The following MINDY4 variants were observed in gnomAD, a reference collection of about 807,000 sequenced individuals.
MINDY4 encodes the protein probable ubiquitin carboxyl-terminal hydrolase MINDY-4.
In MINDY4, 68 loss-of-function variants were observed where a neutral mutation model predicts 87.0. That is an observed-to-expected ratio of 0.78 (90% CI 0.64 to 0.96). The LOEUF is 0.96. Among genes scored for constraint, MINDY4 ranks in the 40% least tolerant of loss-of-function variants. The pLI is 0.00. For missense variants in MINDY4, 919 were observed against 928.2 expected, an observed-to-expected ratio of 0.99 and a Z score of 0.13; for synonymous variants, 379 against 363.2, an observed-to-expected ratio of 1.04 and a Z score of -0.50.
intron 1 of MINDY4, among the ~76,000 whole-genome samples, chr7:30,774,018 A>G (rs1223367956): frequency 6.6e-6 from 1 of 152,194 alleles, no homozygotes; most frequent in Non-Finnish European, 1.5e-5. Context: ...ATAGAGCTGA[A>G]TGAGATTGGA....
At chr7:30,853,733 C>T (rs185792436) in intron 12 of MINDY4, among the ~76,000 whole-genome samples, 145 of 152,286 alleles carry the variant, frequency 9.5e-4, no homozygotes, top group African/African-American at 3.3e-3. Flanking sequence ...CAGAGCTGGA[C>T]GGGTGGGGTC....
At chr7:30,852,488 C>A in intron 11 of MINDY4, 1 of 492,228 alleles carries the variant, frequency 2.0e-6, no homozygotes, top group East Asian at 1.5e-4. Context: ...GGCCAAAAGG[C>A]TGACTGGCTT....
chr7:30,809,159 T>A (rs1013159929), intron 5 of MINDY4, among the ~76,000 whole-genome samples: 1 of 152,198 alleles, frequency 6.6e-6, no homozygotes, highest in Non-Finnish European at 1.5e-5. Context: ...AACACTCCAG[T>A]ACCACTTTGT....
At chr7:30,801,067 C>T (rs62446944) in intron 5 of MINDY4, among the ~76,000 whole-genome samples, 8 of 152,038 alleles carry the variant, frequency 5.3e-5, no homozygotes, top group Non-Finnish European at 1.0e-4. Flanking sequence ...CCTCTGGAGG[C>T]CCCCAGATCT....
Position 30,862,165 on chromosome 7 carries a change from C to G in MINDY4, c.1745+2841C>G, listed in dbSNP as rs148220424. The stretch of plus-strand genomic sequence containing the variant: ...CCTCCTGACTGTTGCATGCTTCCCC[C>G]GAGGGCCTGCAGGAGATGTGGGCAT... On this transcript the variant is annotated intron_variant, in intron 13 of 17. Coordinates refer to ENST00000265299, the MANE Select transcript of MINDY4 (RefSeq NM_032222.3). 2.0e-5 allele frequency among the ~76,000 whole-genome samples: 3 copies of G among 152,230 alleles called. No homozygotes were observed. The South Asian group carries it at 6.2e-4, about 31-fold the overall frequency.
intron 15 of MINDY4, among the ~76,000 whole-genome samples, chr7:30,878,126 C>G (rs549871075): frequency 1.3e-5 from 2 of 152,158 alleles, no homozygotes; most frequent in South Asian, 4.2e-4. Flanking sequence ...GGCCCTTGCT[C>G]TGGCCTGGCC....
At chr7:30,875,372 C>A in intron 14 of MINDY4, 123 bp from the exon 15 acceptor site, 1 of 1,104,136 alleles carries the variant, frequency 9.1e-7, no homozygotes, top group Non-Finnish European at 1.4e-6. Flanking sequence ...CCTCTGCTCT[C>A]AGGCTCTCTC....
At chr7:30,833,570 C>T (rs2128564458) in intron 6 of MINDY4, among the ~76,000 whole-genome samples, 1 of 152,280 alleles carries the variant, frequency 6.6e-6, no homozygotes, top group East Asian at 1.9e-4. Flanking sequence ...TAGCCCCTCC[C>T]AAATCTCATG....
intron 6 of MINDY4, among the ~76,000 whole-genome samples, chr7:30,835,906 C>T (rs891456713): frequency 6.6e-6 from 1 of 152,232 alleles, no homozygotes; most frequent in Non-Finnish European, 1.5e-5. Context: ...GGGACCCTCT[C>T]TAGGCCTCAG....
intron 5 of MINDY4, among the ~76,000 whole-genome samples, chr7:30,805,483 A>G (rs1363038527): frequency 6.6e-6 from 1 of 152,192 alleles, no homozygotes; most frequent in Admixed American, 6.5e-5. Flanking sequence ...GACATTGCCA[A>G]GGTCAGTATC....
intron 1 of MINDY4, among the ~76,000 whole-genome samples, chr7:30,775,345 A>G (rs1240430256): frequency 6.6e-6 from 1 of 152,208 alleles, no homozygotes; most frequent in Non-Finnish European, 1.5e-5. Context: ...AACTCGGAGA[A>G]ACACTTTACT....
chr7:30,885,254 C>T (rs1790593580), intron 17 of MINDY4, among the ~76,000 whole-genome samples: 1 of 152,182 alleles, frequency 6.6e-6, no homozygotes, highest in African/African-American at 2.4e-5. Context: ...AAACACAGAT[C>T]ACCACCTATA....
chr7:30,791,762 C>T (rs916616165), intron 5 of MINDY4, among the ~76,000 whole-genome samples, 188 bp downstream of exon 5: 1 of 152,192 alleles, frequency 6.6e-6, no homozygotes, highest in Non-Finnish European at 1.5e-5. Flanking sequence ...AGAGCTCACA[C>T]ACCTGGAAAG....
chr7:30,817,476 C>T (rs1278242115), intron 5 of MINDY4, among the ~76,000 whole-genome samples: 2 of 151,150 alleles, frequency 1.3e-5, no homozygotes, highest in East Asian at 3.9e-4. Context: ...GCTTCTCCAG[C>T]AGTTCAGTCA....
intron 15 of MINDY4, 143 bp from the exon 16 acceptor site, chr7:30,882,038 C>T (rs535628425): frequency 1.0e-4 from 83 of 832,316 alleles, no homozygotes; most frequent in Non-Finnish European, 1.3e-4. Context: ...GCCTGAGCAG[C>T]GTGAGGGGCT....
chr7:30,836,558 CCTT>C, intron 6 of MINDY4, 97 bp from the exon 7 acceptor site: 2 of 968,384 alleles, frequency 2.1e-6, no homozygotes, highest in South Asian at 1.5e-5. Flanking sequence ...TTCACTCAAA[CCTT>C]CTACAAACTT....
chr7:30,880,963 G>A (rs1006410909), intron 15 of MINDY4, among the ~76,000 whole-genome samples: 1 of 152,186 alleles, frequency 6.6e-6, no homozygotes, highest in African/African-American at 2.4e-5. Flanking sequence ...GATCAAGATG[G>A]GAGCTGCTCA....
intron 5 of MINDY4, among the ~76,000 whole-genome samples, chr7:30,810,839 A>G (rs1440698477): frequency 6.6e-6 from 1 of 152,200 alleles, no homozygotes; most frequent in Non-Finnish European, 1.5e-5. Flanking sequence ...TCTTTGGTCT[A>G]AAAACTAATA....
At chr7:30,886,124 C>T (rs1790625918) in intron 17 of MINDY4, among the ~76,000 whole-genome samples, 2 of 152,168 alleles carry the variant, frequency 1.3e-5, no homozygotes, top group African/African-American at 4.8e-5. Flanking sequence ...TCAAAGGCTG[C>T]AGTGAGAGCC....
Sources: gnomAD v4.1 joint callset for allele counts (sites outside exome capture counted in the v4.1 genomes callset) on GRCh38, gnomAD v4.1.1 for gene constraint, MANE v1.5 for transcripts, NCBI Gene and HGNC (gene_info 2026-07-23, HGNC 2026-07-21) for gene names.